Variants in LRP5 observed in about 807,000 individuals in gnomAD.
The protein encoded by LRP5 is low-density lipoprotein receptor-related protein 5.
A neutral mutation model predicts 154.1 loss-of-function variants in LRP5; 62 were observed. The ratio of observed to expected loss-of-function variants is 0.40; its 90% CI spans 0.33 to 0.50. The LOEUF is 0.50. Ranked by LOEUF, LRP5 falls within the 20% of genes least tolerant of loss-of-function variation. The probability of loss-of-function intolerance (pLI) is 0.55; values close to 1 mark genes in which losing one functional copy is unlikely to be tolerated. For synonymous variants in LRP5, 966 were observed against 1,011.5 expected (o/e 0.96, Z 0.85); for missense variants, 1,915 against 2,336.7 (o/e 0.82, Z 3.72).
Position 68,353,433 on chromosome 11 carries a change from CCGGAGAGGGAGA to C in LRP5, c.489-4216_489-4205del, listed in dbSNP as rs1487261306. The stretch of plus-strand genomic sequence containing the variant: ...CTCTGTCCCTGTAGGCTCCATGTCT[CCGGAGAGGGAGA>C]GGGAGAGGGAGAGGATTCCAGCCTG... On this transcript the variant is annotated intron_variant, in intron 2 of 22. Coordinates refer to ENST00000294304, the MANE Select transcript of LRP5 (RefSeq NM_002335.4). The surrounding 1 kb of genome is among the most constrained non-coding windows in gnomAD (Gnocchi z 4.5). Among the ~76,000 whole-genome samples, 2 of 151,808 alleles carry C rather than the reference CCGGAGAGGGAGA, an allele frequency of 1.3e-5. No individual in the cohort carries two copies. Among genetic ancestry groups the C allele is most frequent in the Non-Finnish European group, 2.9e-5 (2 of 68,026 alleles).
At chr11:68,438,214 C>T (rs891479399) in intron 19 of LRP5, among the ~76,000 whole-genome samples, 14 of 152,248 alleles carry the variant, frequency 9.2e-5, no homozygotes, top group African/African-American at 3.1e-4. Context: ...TGTGGGGAGT[C>T]GGACAGCGGC....
At chr11:68,307,636 C>A (rs996481844), upstream of LRP5, among the ~76,000 whole-genome samples, 53 of 151,270 alleles carry the variant, frequency 3.5e-4, no homozygotes, top group African/African-American at 1.3e-3. Context: ...CCAGCCTGGG[C>A]AACAGAGTGA....
Position 68,438,564 on chromosome 11 carries a change from G to C in LRP5, c.4230G>C (p.Val1410=), listed in dbSNP as rs752100031. The change falls in exon 20 of 23, where the codon GTG becomes GTC. Residue 1410 remains valine, a synonymous_variant. Coordinates refer to ENST00000294304, the MANE Select transcript of LRP5 (RefSeq NM_002335.4). ...MGGVYFVCQR[V]VCQRYAGANG... is the part of the protein sequence containing the mutation. The stretch of plus-strand genomic sequence containing the variant: ...GTGTCTATTTTGTGTGCCAGCGCGT[G>C]GTGTGCCAGCGCTATGCGGGGGCCA... 1 of 1,614,142 alleles carries C rather than the reference G, an allele frequency of 6.2e-7. No homozygotes were observed. The highest frequency in any genetic ancestry group is 1.7e-4 in the Middle Eastern group (1 of 6,060).
chr11:68,398,060 A>T (rs1240828666), intron 7 of LRP5, among the ~76,000 whole-genome samples: 1 of 151,446 alleles, frequency 6.6e-6, no homozygotes, highest in Admixed American at 6.6e-5. Context: ...ATGAAGCAAG[A>T]TAACTGTTGC....
At chr11:68,303,320 G>T in the LRP5 span, among the ~76,000 whole-genome samples, 2 of 152,116 alleles carry the variant, frequency 1.3e-5, no homozygotes, top group Admixed American at 6.5e-5. Context: ...CAAGGCCAGG[G>T]TGATGAGTCT....
rs140887184 is a variant in LRP5 at position 68,395,402 on chromosome 11, A to G, written c.1584+5350A>G. Among the ~76,000 whole-genome samples the G allele has an allele frequency of 1.4e-3, 208 of 152,018 alleles. 2 individuals are homozygous for G. In the East Asian group the frequency reaches 0.037, roughly 27 times the overall value. On this transcript the variant is annotated intron_variant, in intron 7 of 22. Transcript: ENST00000294304. ...TCGTGGAGCAGGCCACCCTGTGGTC[A>G]TGCACTGGAAGCTCATTACCTGACG...
chr11:68,323,704 G>A (rs2098598055), intron 1 of LRP5, among the ~76,000 whole-genome samples: 1 of 152,234 alleles, frequency 6.6e-6, no homozygotes, highest in African/African-American at 2.4e-5. Flanking sequence ...ATAGGCGTGA[G>A]CCACCGCGCC....
chr11:68,354,157 C>G (rs2098621109), intron 2 of LRP5, among the ~76,000 whole-genome samples: 1 of 152,250 alleles, frequency 6.6e-6, no homozygotes, highest in Non-Finnish European at 1.5e-5. Flanking sequence ...AACACACAAC[C>G]ACAACCGCAG....
intron 8 of LRP5, chr11:68,404,445 C>A (rs778586004): frequency 2.0e-6 from 1 of 498,762 alleles, no homozygotes; most frequent in African/African-American, 1.9e-5. Flanking sequence ...CTCTGCTGCC[C>A]GTCGGGTGGA....
intron 6 of LRP5, among the ~76,000 whole-genome samples, chr11:68,387,486 G>A (rs1375683690): frequency 2.0e-5 from 3 of 152,244 alleles, no homozygotes; most frequent in Non-Finnish European, 2.9e-5. Context: ...CAGTTGTACA[G>A]TTGAGGACAC....
At position 68,433,806 on chromosome 11, in the gene LRP5, GTCAGGACCGC is replaced by G. The variant is rs1354047975; in HGVS notation, c.3973_3982del (p.Asp1325ThrfsTer111). On this transcript the variant is annotated frameshift_variant, in exon 18 of 23. Coordinates refer to ENST00000294304, the MANE Select transcript of LRP5 (RefSeq NM_002335.4). LOFTEE classifies it high-confidence loss of function. ...CTGCGCTGCGACGGCGAGGCAGACT[GTCAGGACCGC>G]TCAGACGAGGCGGACTGTGACGGTG... is the stretch of plus-strand genomic sequence containing the variant. 1 of 1,612,500 alleles carries G rather than the reference GTCAGGACCGC, an allele frequency of 6.2e-7. No individual in the cohort carries two copies. The highest frequency in any genetic ancestry group is 2.2e-5 in the East Asian group (1 of 44,888).
intron 21 of LRP5, chr11:68,445,447 TG>T: frequency 2.0e-5 from 8 of 392,292 alleles, no homozygotes; most frequent in Admixed American, 6.9e-5. Context: ...AGCCAGAAGG[TG>T]GTAAAACAGG....
chr11:68,377,261 A>C (rs2098637890), intron 5 of LRP5, among the ~76,000 whole-genome samples: 1 of 152,160 alleles, frequency 6.6e-6, no homozygotes, highest in Non-Finnish European at 1.5e-5. Flanking sequence ...TGAGGCCGGC[A>C]CTGACTTGGT....
intron 1 of LRP5, among the ~76,000 whole-genome samples, chr11:68,324,761 C>T (rs2153115715): frequency 6.6e-6 from 1 of 152,350 alleles, no homozygotes; most frequent in South Asian, 2.1e-4. Context: ...CAGGAGGTGC[C>T]ACTTGGCTTC....
chr11:68,433,858 G>A lies in LRP5; in HGVS notation c.4000+20G>A, dbSNP rs1304527182. On this transcript the variant is annotated intron_variant, in intron 18 of 22. Transcript: ENST00000294304. The stretch of plus-strand genomic sequence containing the variant: ...GTGACGGTGAGGCCCTCCCCGTCAA[G>A]GCTCTGCCAAGACCCTGGCCCTGCC... 6.2e-7 allele frequency: 1 copy of A among 1,605,878 alleles called. No homozygotes were observed. The highest frequency in any genetic ancestry group is 1.7e-5 in the Admixed American group (1 of 59,322).
At position 68,437,017 on chromosome 11, in the gene LRP5, AC is replaced by A; in HGVS notation, c.4111+19del. ...CATGTGTGGTGAGCCAGCTTCTGGC[AC>A]GGGGAAGGGGCGTCCGGGCTGGGTT... is the stretch of plus-strand genomic sequence containing the variant. On this transcript the variant is annotated intron_variant, in intron 19 of 22. Coordinates refer to ENST00000294304, the MANE Select transcript of LRP5 (RefSeq NM_002335.4). The A allele has an allele frequency of 6.2e-7, 1 of 1,607,448 alleles. No individual in the cohort carries two copies. Among genetic ancestry groups the A allele is most frequent in the Non-Finnish European group, 8.5e-7 (1 of 1,175,280 alleles).
At chr11:68,383,331 C>T (rs544109304) in intron 5 of LRP5, among the ~76,000 whole-genome samples, 3 of 152,288 alleles carry the variant, frequency 2.0e-5, no homozygotes, top group South Asian at 2.1e-4. Context: ...ATTCGTCTTG[C>T]GCTGTGCCTG....
At chr11:68,370,486 G>A (rs1460129190) in intron 5 of LRP5, among the ~76,000 whole-genome samples, 1 of 152,098 alleles carries the variant, frequency 6.6e-6, no homozygotes, top group Non-Finnish European at 1.5e-5. Flanking sequence ...CCAGCCCTGG[G>A]CTCTGTGGCA....
intron 3 of LRP5, among the ~76,000 whole-genome samples, chr11:68,359,947 TG>T (rs1403410412): frequency 6.6e-6 from 1 of 152,086 alleles, no homozygotes; most frequent in Non-Finnish European, 1.5e-5. Flanking sequence ...CCACCACGCC[TG>T]GCAAATTGTT....
Sources: allele counts gnomAD v4.1 joint callset (sites outside exome capture counted in the v4.1 genomes callset), GRCh38; gene constraint gnomAD v4.1.1; non-coding constraint Gnocchi (gnomAD v3.1); transcripts MANE v1.5; gene names NCBI Gene and HGNC (gene_info 2026-07-23, HGNC 2026-07-21).